The following CDH3 variants were observed in gnomAD, a reference collection of about 807,000 sequenced individuals.
CDH3 encodes the protein cadherin-3.
A neutral mutation model predicts 82.0 loss-of-function variants in CDH3; 54 were observed. That is an observed-to-expected ratio of 0.66 (90% CI 0.53 to 0.83). The LOEUF (loss-of-function observed/expected upper bound fraction) is 0.83. Ranked by LOEUF, CDH3 falls within the 40% of genes least tolerant of loss-of-function variation. The probability of loss-of-function intolerance (pLI) is 0.00; values close to 1 mark genes in which losing one functional copy is unlikely to be tolerated. For synonymous variants in CDH3, 446 were observed against 437.9 expected (o/e 1.02, Z -0.23); for missense variants, 1,054 against 1,084.6 (o/e 0.97, Z 0.40).
intron 2 of CDH3, among the ~76,000 whole-genome samples, chr16:68,665,350 C>T (rs1209364218): frequency 2.0e-5 from 3 of 151,958 alleles, no homozygotes; most frequent in Non-Finnish European, 4.4e-5. Flanking sequence ...TCAAGTGAGC[C>T]GAGATCATGC....
At position 68,679,824 on chromosome 16, in the gene CDH3, C is replaced by A. The variant is rs1331949651; in HGVS notation, c.717C>A (p.Ala239=). 6.2e-7 allele frequency: 1 copy of A among 1,612,512 alleles called. No individual in the cohort carries two copies. Among genetic ancestry groups the A allele is most frequent in the South Asian group, 1.1e-5 (1 of 91,008 alleles). ...LPGTSVMQVT[A]TDEDDAIYTY... ...GTACTTCTGTGATGCAGGTGACAGC[C>A]ACGGATGAGGATGATGCCATCTACA... Residue 239 remains alanine, a synonymous_variant, in exon 7 of 16, where the codon GCC becomes GCA. Transcript: ENST00000264012.
chr16:68,657,860 T>C (rs558612830), intron 2 of CDH3, among the ~76,000 whole-genome samples: 52 of 152,294 alleles, frequency 3.4e-4, no homozygotes, highest in African/African-American at 1.2e-3. Flanking sequence ...GCAAGAGACC[T>C]TGACAACCTG....
downstream of CDH3, among the ~76,000 whole-genome samples, chr16:68,731,363 C>T (rs1167842790): frequency 1.1e-3 from 25 of 22,872 alleles, no homozygotes; most frequent in Non-Finnish European, 1.5e-3. Flanking sequence ...AGTGAAACTC[C>T]GTCTCAAAAA....
intron 1 of CDH3, among the ~76,000 whole-genome samples, chr16:68,719,165 C>T (rs148575512): frequency 0.017 from 2,543 of 151,750 alleles, 32 homozygotes; most frequent in Middle Eastern, 0.034. Context: ...ATTGCTTGAA[C>T]CCAGGAGGTG....
At position 68,684,798 on chromosome 16, in the gene CDH3, C is replaced by A. The variant is rs1395686583; in HGVS notation, c.1398C>A (p.Asp466Glu). The A allele has an allele frequency of 7.4e-6, 12 of 1,614,184 alleles. No individual in the cohort carries two copies. The highest frequency in any genetic ancestry group is 6.7e-5 in the East Asian group (3 of 44,878). ...GEPVCVYTAEDPDKENQKISY... is the reference protein window; with the variant it reads ...GEPVCVYTAEEPDKENQKISY... ...CTGTGTGTGTCTACACTGCAGAAGACCCTGACAAGGAGAATCAAAAGATCA... is the reference window on the plus strand; with the variant it reads ...CTGTGTGTGTCTACACTGCAGAAGAACCTGACAAGGAGAATCAAAAGATCA... Residue 466 changes from aspartate (D) to glutamate (E), a missense_variant, in exon 10 of 16, where the codon GAC (aspartate) becomes GAA (glutamate). Coordinates refer to ENST00000264012, the MANE Select transcript of CDH3 (RefSeq NM_001793.6).
At chr16:68,709,724 C>T (rs1282477378) in intron 1 of CDH3, among the ~76,000 whole-genome samples, 6 of 152,278 alleles carry the variant, frequency 3.9e-5, no homozygotes, top group Non-Finnish European at 7.4e-5. Flanking sequence ...GGATTACAGG[C>T]GTGAGCCACC....
At chr16:68,666,672 T>C (rs957280946) in intron 2 of CDH3, among the ~76,000 whole-genome samples, 1 of 152,232 alleles carries the variant, frequency 6.6e-6, no homozygotes, top group African/African-American at 2.4e-5. Flanking sequence ...TCAGCCCCTC[T>C]CTCTCTCTTC....
Position 68,695,272 on chromosome 16 carries a change from C to T in CDH3, c.2020C>T (p.Leu674Phe). The change falls in exon 14 of 16, where the codon CTT becomes TTT. Residue 674 changes from leucine (L) to phenylalanine (F), a missense_variant. Transcript: ENST00000264012. ...LALLFLLLVL[L>F]LLVRKKRKIK... The stretch of plus-strand genomic sequence containing the variant: ...CCTTGCAGTCCTCCTGCTGGTGCTG[C>T]TTTTGTTGGTGAGAAAGAAGCGGAA... 1 of 1,614,108 alleles carries T rather than the reference C, an allele frequency of 6.2e-7. No individual in the cohort carries two copies. The highest frequency in any genetic ancestry group is 8.5e-7 in the Non-Finnish European group (1 of 1,180,028).
At chr16:68,674,657 C>G (rs1215662463) in intron 2 of CDH3, among the ~76,000 whole-genome samples, 1 of 152,064 alleles carries the variant, frequency 6.6e-6, no homozygotes, top group African/African-American at 2.4e-5. Flanking sequence ...ACCCCTTGAG[C>G]CTGGGAGGTT....
At chr16:68,701,551 T>G (rs1961894181), downstream of CDH3, among the ~76,000 whole-genome samples, 1 of 150,694 alleles carries the variant, frequency 6.6e-6, no homozygotes, top group African/African-American at 2.4e-5. Flanking sequence ...ACAATTTTTT[T>G]TTTTTTTTTT....
At chr16:68,722,945 C>T (rs939213774) in intron 2 of CDH3, among the ~76,000 whole-genome samples, 2 of 152,096 alleles carry the variant, frequency 1.3e-5, no homozygotes, top group African/African-American at 2.4e-5. Context: ...AGGCACCCAC[C>T]ACCAGGCCCG....
In CDH3 at chr16:68,645,371, T is replaced by C; in HGVS notation, c.-9T>C. The C allele has an allele frequency of 6.2e-7, 1 of 1,612,942 alleles. No individual in the cohort carries two copies. The highest frequency in any genetic ancestry group is 8.5e-7 in the Non-Finnish European group (1 of 1,179,580). The stretch of plus-strand genomic sequence containing the variant: ...TCGCGGCAGCTGCTTCACCCCTCTC[T>C]CTGCAGCCATGGGGCTCCCTCGTGG... On this transcript the variant is annotated 5_prime_UTR_variant, in exon 1 of 16. Coordinates refer to ENST00000264012, the MANE Select transcript of CDH3 (RefSeq NM_001793.6).
At chr16:68,712,041 T>TTTC (rs1487985264) in intron 1 of CDH3, among the ~76,000 whole-genome samples, 6 of 144,778 alleles carry the variant, frequency 4.1e-5, no homozygotes, top group African/African-American at 1.5e-4. Context: ...TGTTTTCTTT[T>TTTC]TTTTTTTTTT....
intron 2 of CDH3, among the ~76,000 whole-genome samples, chr16:68,724,111 C>T (rs972161222): frequency 5.0e-5 from 7 of 139,218 alleles, no homozygotes; most frequent in Admixed American, 2.2e-4. Context: ...TGGCGCACAC[C>T]GTAATCCCAG....
intron 2 of CDH3, among the ~76,000 whole-genome samples, chr16:68,725,554 C>T (rs978976656): frequency 1.3e-5 from 2 of 151,802 alleles, no homozygotes; most frequent in African/African-American, 2.4e-5. Flanking sequence ...AGGATGGTCT[C>T]GATCTCCTGA....
At chr16:68,724,539 A>G (rs1345219913) in intron 2 of CDH3, among the ~76,000 whole-genome samples, 2 of 151,872 alleles carry the variant, frequency 1.3e-5, no homozygotes, top group Non-Finnish European at 2.9e-5. Flanking sequence ...ACGCAGGAGA[A>G]TCACTTGGGC....
At chr16:68,727,996 C>T (rs540243080), downstream of CDH3, among the ~76,000 whole-genome samples, 2 of 152,220 alleles carry the variant, frequency 1.3e-5, no homozygotes, top group East Asian at 1.9e-4. Context: ...TGAGACAAGG[C>T]GTACTATAGT....
chr16:68,694,550 A>T (rs1597819578), intron 13 of CDH3, among the ~76,000 whole-genome samples: 1 of 150,422 alleles, frequency 6.6e-6, no homozygotes, highest in Admixed American at 6.7e-5. Flanking sequence ...TGAACCTGGG[A>T]GGCGGAGGTT....
At chr16:68,694,780 G>A (rs1195897033) in intron 13 of CDH3, among the ~76,000 whole-genome samples, 1 of 152,184 alleles carries the variant, frequency 6.6e-6, no homozygotes, top group Non-Finnish European at 1.5e-5. Flanking sequence ...TCTGCTGGGA[G>A]GTTCCCATCC....
Sources: allele counts gnomAD v4.1 joint callset (sites outside exome capture counted in the v4.1 genomes callset), GRCh38; gene constraint gnomAD v4.1.1; transcripts MANE v1.5; gene names NCBI Gene and HGNC (gene_info 2026-07-23, HGNC 2026-07-21).